The following LAMA1 variants were observed in gnomAD, a reference collection of about 807,000 sequenced individuals.
LAMA1 encodes laminin subunit alpha-1.
LAMA1 carries 219 observed loss-of-function variants against 348.7 expected under a neutral mutation model. The observed-to-expected ratio is 0.63, with a 90% CI of 0.56 to 0.70. LAMA1 has a LOEUF of 0.70. Among genes scored for constraint, LAMA1 ranks in the 30% least tolerant of loss-of-function variants. The pLI, the probability that LAMA1 is intolerant of heterozygous loss-of-function variation, is 0.00. For missense variants in LAMA1, 3,744 were observed against 3,888.0 expected (o/e 0.96, Z 0.99); for synonymous variants, 1,487 against 1,491.0 (o/e 1.00, Z 0.06).
chr18:7,032,984 C>T lies in LAMA1; in HGVS notation c.2163G>A (p.Glu721=). ...AAAGACAGGAAGAGAGAAGCGTCACCTCACAGGAGGTCCCTGTGTAGCCTT... is the reference window on the plus strand; with the variant it reads ...AAAGACAGGAAGAGAGAAGCGTCACTTCACAGGAGGTCCCTGTGTAGCCTT... The part of the protein sequence containing the change: ...CPQGYTGTSC[E]SCLSGYYRVD... The change falls in exon 15 of 63, where the codon GAG becomes GAA. Residue 721 remains glutamate (E), a splice_region_variant and synonymous_variant. Coordinates refer to ENST00000389658, the MANE Select transcript of LAMA1 (RefSeq NM_005559.4). The T allele has an allele frequency of 6.2e-7, 1 of 1,600,816 alleles. No individual in the cohort carries two copies. Among genetic ancestry groups the T allele is most frequent in the Non-Finnish European group, 8.5e-7 (1 of 1,171,394 alleles).
intron 1 of LAMA1, among the ~76,000 whole-genome samples, chr18:7,116,195 G>A (rs2058355572): frequency 6.6e-6 from 1 of 152,220 alleles, no homozygotes; most frequent in Admixed American, 6.5e-5. Context: ...CGAGGGGCCA[G>A]GACAACCTTC....
chr18:6,942,371 A>G, intron 62 of LAMA1, 132 bp from the exon 63 acceptor site: 1 of 973,318 alleles, frequency 1.0e-6, no homozygotes. Flanking sequence ...AATTAGGAGA[A>G]TATCTTCCAC....
intron 53 of LAMA1, 154 bp from the exon 54 acceptor site, chr18:6,959,646 T>A: frequency 3.9e-6 from 3 of 768,742 alleles, no homozygotes; most frequent in South Asian, 1.5e-5. Flanking sequence ...TTACATTTTG[T>A]ATGTTACTTT....
intron 60 of LAMA1, among the ~76,000 whole-genome samples, chr18:6,947,953 C>T (rs2057529726): frequency 6.6e-6 from 1 of 152,160 alleles, no homozygotes; most frequent in Non-Finnish European, 1.5e-5. Context: ...GCCTGAGCCC[C>T]AGGAACAGGA....
chr18:7,042,679 T>C (rs1185243186), intron 8 of LAMA1: 3 of 236,186 alleles, frequency 1.3e-5, no homozygotes, highest in Non-Finnish European at 2.5e-5. Flanking sequence ...GGTCAAGGGA[T>C]TGAGACCATC....
At chr18:7,099,058 G>A (rs1490444492) in intron 1 of LAMA1, among the ~76,000 whole-genome samples, 6 of 151,910 alleles carry the variant, frequency 3.9e-5, no homozygotes, top group Non-Finnish European at 8.8e-5. Context: ...TTGAGAAATC[G>A]GATGGTTGCC....
At chr18:7,105,433 C>T (rs1210925148) in intron 1 of LAMA1, among the ~76,000 whole-genome samples, 1 of 147,828 alleles carries the variant, frequency 6.8e-6, no homozygotes, top group Non-Finnish European at 1.5e-5. Context: ...AGTGAGACTT[C>T]ATCTCAAAAA....
intron 10 of LAMA1, among the ~76,000 whole-genome samples, chr18:7,039,636 T>C (rs1356208187): frequency 6.6e-6 from 1 of 152,210 alleles, no homozygotes; most frequent in Non-Finnish European, 1.5e-5. Context: ...TGGTTGAACA[T>C]AGTCATAGAA....
chr18:6,994,448 GAA>G (rs1417986892), intron 34 of LAMA1, among the ~76,000 whole-genome samples: 1 of 152,216 alleles, frequency 6.6e-6, no homozygotes, highest in Non-Finnish European at 1.5e-5. Context: ...AGACCAAAGA[GAA>G]TAACGGATAC....
rs375915134 is a variant in LAMA1, at chr18:7,011,389, C to G, written c.3598G>C (p.Asp1200His). 6.2e-7 allele frequency: 1 copy of G among 1,610,706 alleles called. No homozygotes were observed. Among genetic ancestry groups the G allele is most frequent in the Non-Finnish European group, 8.5e-7 (1 of 1,178,818 alleles). The change falls in exon 25 of 63, where the codon GAC (aspartate) becomes CAC (histidine). Residue 1200 changes from aspartate (D) to histidine (H), a missense_variant. Transcript: ENST00000389658. ...ACGGTGGCGGCATCCAGCAGGAAGT[C>G]GGGGGCCTGGTAGTAAACCCCCTCG... ...TTEGVYYQAP[D>H]FLLDAATVRQ... is the part of the protein sequence containing the mutation.
intron 23 of LAMA1, among the ~76,000 whole-genome samples, chr18:7,012,455 A>C (rs561871870): frequency 6.0e-5 from 9 of 150,564 alleles, no homozygotes; most frequent in South Asian, 4.2e-4. Flanking sequence ...CCTGGGTGTG[A>C]GAGCCACCGG....
chr18:6,978,509 G>C (rs2057693724), intron 42 of LAMA1, 131 bp from the exon 43 acceptor site: 3 of 898,384 alleles, frequency 3.3e-6, no homozygotes, highest in Non-Finnish European at 5.1e-6. Flanking sequence ...ACAAACTGAG[G>C]CTTGTCTGTT....
intron 16 of LAMA1, among the ~76,000 whole-genome samples, chr18:7,031,839 T>C (rs1223587146): frequency 1.3e-5 from 2 of 151,298 alleles, no homozygotes; most frequent in Non-Finnish European, 2.9e-5. Flanking sequence ...TATAATGAAG[T>C]TGTATATCCC....
chr18:7,016,363 T>G (rs1027742214), intron 21 of LAMA1, 128 bp downstream of exon 21: 36 of 1,049,534 alleles, frequency 3.4e-5, no homozygotes, highest in Non-Finnish European at 4.6e-5. Context: ...AAAAAAGGTA[T>G]GAAATCCTCC....
In LAMA1 at chr18:7,010,261, T is replaced by C. The variant is rs2144113664; in HGVS notation, c.3812A>G (p.Tyr1271Cys). 1 of 1,614,194 alleles carries C rather than the reference T, an allele frequency of 6.2e-7. No individual in the cohort carries two copies. Among genetic ancestry groups the C allele is most frequent in the Non-Finnish European group, 8.5e-7 (1 of 1,180,034 alleles). The change falls in exon 26 of 63, where the codon TAC (tyrosine) becomes TGC (cysteine). Residue 1271 changes from tyrosine (Y) to cysteine (C), a missense_variant. Physicochemically the swap from Tyr to Cys is radical, Grantham distance 194. Around this residue, in one of 3 missense-constraint regions of LAMA1, gnomAD observed 1,529 missense variants for 1,689.4 expected, o/e 0.91. Coordinates refer to ENST00000389658, the MANE Select transcript of LAMA1 (RefSeq NM_005559.4). ...KGGRIRKQVIYMDAPAPENGV... is the reference protein window; with the variant it reads ...KGGRIRKQVICMDAPAPENGV... ...ATTCTCTGGGGCTGGTGCATCCATG[T>C]AAATGACTTGCTTTCTGATCCGACC...
At chr18:7,079,638 GT>G in intron 3 of LAMA1, 1 of 383,576 alleles carries the variant, frequency 2.6e-6, no homozygotes, top group East Asian at 6.0e-5. Context: ...AAATACATGT[GT>G]TTTCCCCCTC....
intron 14 of LAMA1, 51 bp from the exon 15 acceptor site, chr18:7,033,146 A>C: frequency 1.0e-3 from 1,273 of 1,238,856 alleles, no homozygotes; most frequent in Non-Finnish European, 1.4e-3. Context: ...AATACATCTC[A>C]CATCTCAATG....
chr18:7,057,898 G>A (rs951423286), intron 3 of LAMA1, among the ~76,000 whole-genome samples: 2 of 151,574 alleles, frequency 1.3e-5, no homozygotes, highest in African/African-American at 2.4e-5. Flanking sequence ...GGGCTCAAGC[G>A]GTTCTCCTGC....
At chr18:7,019,394 C>T (rs781294291) in intron 19 of LAMA1, among the ~76,000 whole-genome samples, 13 of 152,094 alleles carry the variant, frequency 8.5e-5, no homozygotes, top group Non-Finnish European at 1.2e-4. Context: ...TTTCAAGCCG[C>T]CTCTTTCTCT....
Sources: gnomAD v4.1 joint callset for allele counts (sites outside exome capture counted in the v4.1 genomes callset) on GRCh38, gnomAD v4.1.1 for gene constraint, gnomAD v4.1.1 regional missense constraint, MANE v1.5 for transcripts, NCBI Gene and HGNC (gene_info 2026-07-23, HGNC 2026-07-21) for gene names.